Variants in VTI1A observed in about 807,000 individuals in gnomAD.
VTI1A encodes vesicle transport through interaction with t-SNAREs 1A.
A neutral mutation model predicts 34.9 loss-of-function variants in VTI1A; 22 were observed. The observed-to-expected ratio is 0.63, with a 90% CI of 0.45 to 0.90. The LOEUF (loss-of-function observed/expected upper bound fraction) is 0.90. VTI1A is among the 40% of genes least tolerant of loss of function. VTI1A has a pLI of 0.00. For missense variants in VTI1A, 268 were observed against 275.6 expected (o/e 0.97, Z 0.20); for synonymous variants, 87 against 97.3 (o/e 0.89, Z 0.62).
chr10:112,850,208 C>T, the VTI1A span, among the ~76,000 whole-genome samples: 9 of 152,078 alleles, frequency 5.9e-5, no homozygotes, highest in African/African-American at 2.2e-4. Flanking sequence ...AGAGCACGGC[C>T]TATTATTACC....
intron 3 of VTI1A, among the ~76,000 whole-genome samples, chr10:112,523,085 T>C (rs1850087871): frequency 1.3e-5 from 2 of 152,112 alleles, no homozygotes; most frequent in African/African-American, 2.4e-5. Flanking sequence ...TCACAGTTTT[T>C]AATTAGTTTA....
At chr10:112,558,222 C>T (rs149590733) in intron 5 of VTI1A, among the ~76,000 whole-genome samples, 1 of 152,132 alleles carries the variant, frequency 6.6e-6, no homozygotes, top group East Asian at 1.9e-4. Context: ...GACTGGGCTT[C>T]ATCCCAAGGA....
chr10:112,717,953 G>A (rs1174673052), intron 7 of VTI1A, among the ~76,000 whole-genome samples: 2 of 152,024 alleles, frequency 1.3e-5, no homozygotes, highest in African/African-American at 4.8e-5. Flanking sequence ...ACTCATTACG[G>A]TGTCGCCCAC....
At chr10:112,798,407 G>A (rs1852752094) in intron 7 of VTI1A, among the ~76,000 whole-genome samples, 1 of 152,112 alleles carries the variant, frequency 6.6e-6, no homozygotes, top group South Asian at 2.1e-4. Flanking sequence ...CTAATTAGGG[G>A]GTCAGATATC....
intron 5 of VTI1A, among the ~76,000 whole-genome samples, chr10:112,567,888 T>C (rs1851965639): frequency 6.6e-6 from 1 of 152,200 alleles, no homozygotes; most frequent in African/African-American, 2.4e-5. Context: ...TAAATGAAGA[T>C]GAGTGCTGAG....
rs1439162846 is a variant in VTI1A at position 112,767,685 on chromosome 10, T to G, written c.561-47605T>G. 6.7e-6 allele frequency among the ~76,000 whole-genome samples: 1 copy of G among 150,232 alleles called. No homozygotes were observed. The highest frequency in any genetic ancestry group is 1.5e-5 in the Non-Finnish European group (1 of 67,632). ...GCCTACCTTATTTCTTCCTTACTCT[T>G]TTTTTTTTTCTGTTTCTCTGTATTC... is the stretch of plus-strand genomic sequence containing the variant. On this transcript the variant is annotated intron_variant, in intron 7 of 7. Coordinates refer to ENST00000393077, the MANE Select transcript of VTI1A (RefSeq NM_145206.4). The surrounding 1 kb of genome is among the most constrained non-coding windows in gnomAD (Gnocchi z 4.0).
the VTI1A span, among the ~76,000 whole-genome samples, chr10:112,834,147 G>C: frequency 1.3e-5 from 2 of 152,166 alleles, no homozygotes; most frequent in Admixed American, 6.5e-5. Flanking sequence ...ATGCAGCTCA[G>C]AACCTGGACA....
chr10:112,697,399 C>CTTTTCTTTTTT (rs745391297), intron 7 of VTI1A, among the ~76,000 whole-genome samples: 6 of 114,038 alleles, frequency 5.3e-5, no homozygotes, highest in East Asian at 5.3e-4. Context: ...CTTTTCTTTT[C>CTTTTCTTTTTT]TTTTTTTTTT....
intron 5 of VTI1A, among the ~76,000 whole-genome samples, chr10:112,587,402 T>C (rs2028785): frequency 0.18 from 27,095 of 151,892 alleles, 2,518 homozygotes; most frequent in Middle Eastern, 0.28. Context: ...CAATACCAAA[T>C]TAAAAGCTGG....
intron 7 of VTI1A, among the ~76,000 whole-genome samples, chr10:112,710,352 C>T (rs1018660643): frequency 6.6e-5 from 10 of 151,990 alleles, no homozygotes; most frequent in South Asian, 6.3e-4. Context: ...GGATTACAAG[C>T]GTGCACCACC....
intron 7 of VTI1A, among the ~76,000 whole-genome samples, chr10:112,726,295 C>T (rs371984225): frequency 1.3e-5 from 2 of 152,208 alleles, no homozygotes; most frequent in East Asian, 3.8e-4. Context: ...TTCTAAGACA[C>T]CAGAGTGGGG....
At chr10:112,598,930 A>G (rs1453452634) in intron 5 of VTI1A, among the ~76,000 whole-genome samples, 1 of 152,214 alleles carries the variant, frequency 6.6e-6, no homozygotes, top group Non-Finnish European at 1.5e-5. Flanking sequence ...GAGAGAGTCA[A>G]TCTGCGTTAT....
At chr10:112,572,929 A>C (rs995072947) in intron 5 of VTI1A, among the ~76,000 whole-genome samples, 4 of 151,930 alleles carry the variant, frequency 2.6e-5, no homozygotes, top group African/African-American at 9.7e-5. Flanking sequence ...TTTCTCACTA[A>C]TTAATCAAAT....
chr10:112,544,751 A>T (rs530451162), intron 5 of VTI1A, among the ~76,000 whole-genome samples: 1 of 152,208 alleles, frequency 6.6e-6, no homozygotes, highest in Non-Finnish European at 1.5e-5. Flanking sequence ...GCTGGGACAG[A>T]TGATTCTGAG....
intron 3 of VTI1A, 41 bp downstream of exon 3, chr10:112,464,698 A>G (rs760560565): frequency 1.3e-6 from 2 of 1,561,074 alleles, no homozygotes; most frequent in African/African-American, 1.4e-5. Context: ...ACTTTTTTTT[A>G]AAAATGTTTC....
intron 3 of VTI1A, among the ~76,000 whole-genome samples, chr10:112,483,660 C>T (rs1848522497): frequency 6.6e-6 from 1 of 152,086 alleles, no homozygotes; most frequent in African/African-American, 2.4e-5. Flanking sequence ...CAGACTGCCA[C>T]CCCAACCCCA....
At chr10:112,670,728 C>T (rs1847817562) in intron 7 of VTI1A, among the ~76,000 whole-genome samples, 1 of 152,144 alleles carries the variant, frequency 6.6e-6, no homozygotes, top group Non-Finnish European at 1.5e-5. Context: ...AAGAAAATTA[C>T]TCTGGTGAAA....
intron 7 of VTI1A, among the ~76,000 whole-genome samples, chr10:112,698,059 T>C (rs1315920623): frequency 6.6e-6 from 1 of 152,202 alleles, no homozygotes; most frequent in African/African-American, 2.4e-5. Flanking sequence ...AGCAGCAATG[T>C]GATTCATAAT....
At chr10:112,459,363 G>A (rs778725320) in intron 1 of VTI1A, among the ~76,000 whole-genome samples, 4 of 152,070 alleles carry the variant, frequency 2.6e-5, no homozygotes, top group Admixed American at 6.5e-5. Flanking sequence ...TCATTTTTTC[G>A]TTACCAGGAG....
Sources: allele counts gnomAD v4.1 joint callset (sites outside exome capture counted in the v4.1 genomes callset), GRCh38; gene constraint gnomAD v4.1.1; non-coding constraint Gnocchi (gnomAD v3.1); transcripts MANE v1.5; gene names NCBI Gene and HGNC (gene_info 2026-07-23, HGNC 2026-07-21).